DNAH9: variants seen among roughly 807,000 people sequenced by gnomAD.
The protein encoded by DNAH9 is dynein axonemal heavy chain 9.
Under a neutral mutation model 471.6 loss-of-function variants are expected in DNAH9, and 345 were observed. That is an observed-to-expected ratio of 0.73 (90% CI 0.67 to 0.80). DNAH9 has a LOEUF of 0.80. Ranked by LOEUF, DNAH9 falls within the 30% of genes least tolerant of loss-of-function variation. The pLI, the probability that DNAH9 is intolerant of heterozygous loss-of-function variation, is 0.00. For missense variants in DNAH9, 5,407 were observed against 5,609.2 expected (o/e 0.96, Z 1.15); for synonymous variants, 2,093 against 2,123.6 (o/e 0.99, Z 0.40).
At chr17:11,964,107 C>T (rs1976486339) in intron 68 of DNAH9, among the ~76,000 whole-genome samples, 1 of 152,104 alleles carries the variant, frequency 6.6e-6, no homozygotes, top group African/African-American at 2.4e-5. Context: ...TATGCCAGCC[C>T]TAGGAAAGCA....
chr17:11,926,920 T>C (rs1974350294), intron 62 of DNAH9, among the ~76,000 whole-genome samples: 1 of 152,170 alleles, frequency 6.6e-6, no homozygotes, highest in Non-Finnish European at 1.5e-5. Context: ...CCAGCATCTG[T>C]TGTTTCTTGA....
At chr17:11,762,758 G>GTTTTTTTT (rs111963634) in intron 35 of DNAH9, among the ~76,000 whole-genome samples, 2,120 of 94,226 alleles carry the variant, frequency 0.022, 187 homozygotes, top group Middle Eastern at 0.036. Context: ...CTTTAGGTGC[G>GTTTTTTTT]TTTTTTTTTT....
At chr17:11,930,122 G>A (rs749741874) in intron 63 of DNAH9, 29 bp downstream of exon 63, 1 of 1,576,562 alleles carries the variant, frequency 6.3e-7, no homozygotes, top group Admixed American at 1.7e-5. Context: ...GGCAAAAACA[G>A]CAGCACACCT....
At chr17:11,838,439 T>C (rs2150956714) in intron 49 of DNAH9, among the ~76,000 whole-genome samples, 1 of 152,122 alleles carries the variant, frequency 6.6e-6, no homozygotes, top group East Asian at 1.9e-4. Flanking sequence ...GAAGAAGGCA[T>C]AGTGAACTGC....
At chr17:11,766,088 A>G (rs1967924730) in intron 36 of DNAH9, among the ~76,000 whole-genome samples, 1 of 152,184 alleles carries the variant, frequency 6.6e-6, no homozygotes. Context: ...TGGGAAGAGG[A>G]CAAGGGAGAA....
intron 67 of DNAH9, among the ~76,000 whole-genome samples, chr17:11,947,845 G>T (rs990402949): frequency 7.0e-6 from 1 of 143,802 alleles, no homozygotes; most frequent in Non-Finnish European, 1.5e-5. Flanking sequence ...GCAGTAGTGC[G>T]ATCTCAGCTC....
chr17:11,669,927 T>TATAG (rs1171212620), intron 17 of DNAH9, 133 bp downstream of exon 17: 1 of 788,342 alleles, frequency 1.3e-6, no homozygotes, highest in African/African-American at 1.7e-5. Context: ...TTAGAGGTTC[T>TATAG]AGGCTTTTGG....
intron 11 of DNAH9, 50 bp downstream of exon 11, chr17:11,644,749 G>A: frequency 7.7e-7 from 1 of 1,305,030 alleles, no homozygotes; most frequent in Non-Finnish European, 1.1e-6. Flanking sequence ...CAGCCTCCAT[G>A]CTGCCTTTTG....
chr17:11,842,303 G>T (rs959324336), intron 49 of DNAH9, among the ~76,000 whole-genome samples: 1 of 152,080 alleles, frequency 6.6e-6, no homozygotes, highest in Non-Finnish European at 1.5e-5. Context: ...CCACCAACTG[G>T]TAAAGTTAAT....
Position 11,881,535 on chromosome 17 carries a change from G to A in DNAH9, c.10806+122G>A, listed in dbSNP as rs1972722164. The A allele has an allele frequency of 6.3e-6, 6 of 949,364 alleles. No homozygotes were observed. In the Admixed American group the frequency reaches 8.6e-5, roughly 14 times the overall value. The allele number at this position is 949,364 out of a possible 1,614,324, so 58.8% of individuals were successfully genotyped here. ...GTTAGGTGGGTTCTGCTAGACTCTG[G>A]AAGACTGCTGACCCCATGTAGCAAC... On this transcript the variant is annotated intron_variant, in intron 55 of 68. Transcript: ENST00000262442.
Position 11,752,919 on chromosome 17 carries a change from A to G in DNAH9, c.6697A>G (p.Met2233Val). The change falls in exon 33 of 69, where the codon ATG (methionine) becomes GTG (valine). Residue 2233 changes from methionine to valine, a missense_variant. Coordinates refer to ENST00000262442, the MANE Select transcript of DNAH9 (RefSeq NM_001372.4). ...TTTACTGGATGGCGACATAGATCCA[A>G]TGTGGATTGAATCCCTGAATACTGT... Reference protein sequence around the residue: ...WILLDGDIDPMWIESLNTVMD... With the variant: ...WILLDGDIDPVWIESLNTVMD... The G allele has an allele frequency of 1.9e-6, 3 of 1,607,208 alleles. No homozygotes were observed. The highest frequency in any genetic ancestry group is 2.6e-6 in the Non-Finnish European group (3 of 1,176,170).
At chr17:11,834,527 T>A (rs1970781358) in intron 48 of DNAH9, 111 bp from the exon 49 acceptor site, 2 of 1,277,254 alleles carry the variant, frequency 1.6e-6, no homozygotes, top group Admixed American at 4.2e-5. Context: ...TCATCTATTC[T>A]GCTCCACAGA....
rs1418492849 is a variant in DNAH9 at position 11,810,471 on chromosome 17, G to T, written c.8707+102G>T. ...CCAGGGTGGGAAGAGTAAGGTCATAGTAATGAGGAAGAAAACTGACACAGC... is the reference window on the plus strand; with the variant it reads ...CCAGGGTGGGAAGAGTAAGGTCATATTAATGAGGAAGAAAACTGACACAGC... On this transcript the variant is annotated intron_variant, in intron 45 of 68. Transcript: ENST00000262442. 3.4e-6 allele frequency: 5 copies of T among 1,452,924 alleles called. No homozygotes were observed. The Admixed American group carries it at 1.1e-4, about 33-fold the overall frequency. The allele number at this position is 1,452,924 out of a possible 1,614,324, so 90.0% of individuals were successfully genotyped here. A position where few individuals can be genotyped will look rare whatever the true frequency, so the allele number is the denominator to read the frequency against.
intron 66 of DNAH9, among the ~76,000 whole-genome samples, chr17:11,940,894 G>T (rs940320917): frequency 6.6e-6 from 1 of 152,148 alleles, no homozygotes; most frequent in African/African-American, 2.4e-5. Flanking sequence ...ACTCGGTCAG[G>T]CCTCCTTGGC....
chr17:11,768,660 C>T (rs545280197), intron 37 of DNAH9, 34 bp downstream of exon 37: 2 of 1,601,504 alleles, frequency 1.2e-6, no homozygotes, highest in Admixed American at 1.7e-5. Flanking sequence ...GACGTGCGTG[C>T]AGTTGCCCTC....
At chr17:11,690,482 GT>G in intron 20 of DNAH9, 46 bp downstream of exon 20, 1 of 1,557,164 alleles carries the variant, frequency 6.4e-7, no homozygotes, top group South Asian at 1.2e-5. Flanking sequence ...CTGATCCAGG[GT>G]GAAGGGAAGG....
chr17:11,809,063 T>C (rs539924934), intron 44 of DNAH9, among the ~76,000 whole-genome samples: 60 of 152,308 alleles, frequency 3.9e-4, no homozygotes, highest in African/African-American at 1.3e-3. Context: ...CAAGAACTGA[T>C]GGCTGAGCTT....
intron 48 of DNAH9, among the ~76,000 whole-genome samples, chr17:11,828,823 CTGGGTT>C (rs1970590970): frequency 6.6e-6 from 1 of 152,196 alleles, no homozygotes; most frequent in Non-Finnish European, 1.5e-5. Context: ...TCCCTTCTCT[CTGGGTT>C]CCATCCTTGA....
intron 67 of DNAH9, among the ~76,000 whole-genome samples, chr17:11,954,988 T>G (rs1011780319): frequency 6.6e-6 from 1 of 152,132 alleles, no homozygotes; most frequent in Non-Finnish European, 1.5e-5. Flanking sequence ...TAAGCATATG[T>G]AAAACCAAAA....
Sources: gnomAD v4.1 joint callset for allele counts (sites outside exome capture counted in the v4.1 genomes callset) on GRCh38, gnomAD v4.1.1 for gene constraint, MANE v1.5 for transcripts, NCBI Gene and HGNC (gene_info 2026-07-23, HGNC 2026-07-21) for gene names.